EXOC4: variants seen among roughly 807,000 people sequenced by gnomAD.
The protein encoded by EXOC4 is SEC8-like 1.
EXOC4 carries 71 observed loss-of-function variants against 107.2 expected under a neutral mutation model. The observed-to-expected ratio is 0.66, with a 90% CI of 0.55 to 0.81. The LOEUF is 0.81. Among genes scored for constraint, EXOC4 ranks in the 30% least tolerant of loss-of-function variants. The pLI is 0.00. For missense variants in EXOC4, 1,108 were observed against 1,189.6 expected, an observed-to-expected ratio of 0.93 and a Z score of 1.01; for synonymous variants, 456 against 441.2, an observed-to-expected ratio of 1.03 and a Z score of -0.42.
intron 10 of EXOC4, among the ~76,000 whole-genome samples, chr7:133,793,567 A>G (rs534595799): frequency 1.3e-5 from 2 of 152,302 alleles, no homozygotes; most frequent in East Asian, 3.9e-4. Context: ...AAACAAGGCC[A>G]GGTGCGGTGG....
rs189817728 is a variant in EXOC4 at position 133,411,522 on chromosome 7, A to G, written c.1182+36520A>G. On this transcript the variant is annotated intron_variant, in intron 7 of 17. Transcript: ENST00000253861. Reference sequence around the variant, plus strand: ...TGTTAGTCATTTATGCGTTGAAAAGACATTTCCATTTCCTGTGCTTTTCCT... The same window carrying G: ...TGTTAGTCATTTATGCGTTGAAAAGGCATTTCCATTTCCTGTGCTTTTCCT... Among the ~76,000 whole-genome samples, 3 of 152,282 alleles carry G rather than the reference A, an allele frequency of 2.0e-5. No homozygotes were observed. In the East Asian group the frequency reaches 5.8e-4, roughly 29 times the overall value.
intron 9 of EXOC4, among the ~76,000 whole-genome samples, chr7:133,563,700 A>G (rs1800853095): frequency 6.6e-6 from 1 of 152,190 alleles, no homozygotes; most frequent in African/African-American, 2.4e-5. Flanking sequence ...GGCATAAGTT[A>G]GTGGGGAAAA....
intron 14 of EXOC4, among the ~76,000 whole-genome samples, chr7:133,962,086 T>C (rs1056623710): frequency 6.6e-6 from 1 of 152,154 alleles, no homozygotes; most frequent in Non-Finnish European, 1.5e-5. Flanking sequence ...AGTTTATGAA[T>C]GAGAAAACCG....
intron 3 of EXOC4, among the ~76,000 whole-genome samples, chr7:133,304,163 G>A (rs1472617536): frequency 6.6e-6 from 1 of 152,150 alleles, no homozygotes; most frequent in Non-Finnish European, 1.5e-5. Context: ...CTACGTGATG[G>A]GCCAGTGGTT....
intron 5 of EXOC4, among the ~76,000 whole-genome samples, chr7:133,325,929 C>G (rs950233441): frequency 5.3e-5 from 8 of 152,132 alleles, no homozygotes; most frequent in Non-Finnish European, 1.0e-4. Flanking sequence ...TCTTTTTTCT[C>G]TAAACTTCTC....
At chr7:133,319,250 G>A (rs772691181) in intron 5 of EXOC4, among the ~76,000 whole-genome samples, 7 of 152,166 alleles carry the variant, frequency 4.6e-5, no homozygotes, top group Middle Eastern at 3.2e-3. Context: ...TGCCAGTTAC[G>A]GCAAATTTCA....
intron 7 of EXOC4, among the ~76,000 whole-genome samples, chr7:133,463,414 C>T (rs1798640654): frequency 6.6e-6 from 1 of 152,074 alleles, no homozygotes; most frequent in South Asian, 2.1e-4. Flanking sequence ...GACCTGCTTA[C>T]TGTGATATGG....
intron 4 of EXOC4, among the ~76,000 whole-genome samples, chr7:133,312,383 A>G (rs1241912525): frequency 6.6e-6 from 1 of 152,182 alleles, no homozygotes; most frequent in African/African-American, 2.4e-5. Context: ...TGTGTATAGA[A>G]AATGTCAGAC....
intron 14 of EXOC4, among the ~76,000 whole-genome samples, chr7:133,987,180 G>T (rs1413866531): frequency 6.6e-6 from 1 of 152,068 alleles, no homozygotes; most frequent in African/African-American, 2.4e-5. Flanking sequence ...ATATTTTGGG[G>T]CTGGGCAAGG....
chr7:133,748,683 A>G (rs1374125255), intron 10 of EXOC4, among the ~76,000 whole-genome samples: 3 of 152,160 alleles, frequency 2.0e-5, no homozygotes, highest in African/African-American at 4.8e-5. Context: ...CTTCCCTGAG[A>G]GGGTCATATA....
chr7:133,965,822 G>C (rs1196369973), intron 14 of EXOC4, among the ~76,000 whole-genome samples: 1 of 151,960 alleles, frequency 6.6e-6, no homozygotes, highest in African/African-American at 2.4e-5. Context: ...TTTTTTGGTT[G>C]CATATGAAAT....
At chr7:133,283,907 C>T (rs1295944402) in intron 2 of EXOC4, among the ~76,000 whole-genome samples, 1 of 152,010 alleles carries the variant, frequency 6.6e-6, no homozygotes, top group African/African-American at 2.4e-5. Context: ...TTCATTGTTT[C>T]TTCCTTTTTG....
At chr7:133,673,589 C>T (rs955697417) in intron 10 of EXOC4, among the ~76,000 whole-genome samples, 1 of 152,198 alleles carries the variant, frequency 6.6e-6, no homozygotes, top group African/African-American at 2.4e-5. Context: ...CATGTCCCAA[C>T]CTCTGGTTGT....
intron 10 of EXOC4, among the ~76,000 whole-genome samples, chr7:133,748,931 A>G (rs1393849713): frequency 1.1e-4 from 16 of 152,310 alleles, no homozygotes; most frequent in Non-Finnish European, 1.2e-4. Context: ...CCTAGTTCCC[A>G]AATGCTACTC....
rs1162067827 is a variant in EXOC4 at position 133,857,277 on chromosome 7, GTATATATATA to G, written c.1735-38311_1735-38302del. 3.4e-4 allele frequency among the ~76,000 whole-genome samples: 2 copies of G among 5,844 alleles called. 1 individual carries two copies. Among genetic ancestry groups the G allele is most frequent in the African/African-American group, 2.4e-3 (2 of 842 alleles). The allele number at this position is 5,844 out of a possible 152,430, so 3.8% of individuals were successfully genotyped here. On this transcript the variant is annotated intron_variant, in intron 11 of 17. Coordinates refer to ENST00000253861, the MANE Select transcript of EXOC4 (RefSeq NM_021807.4). Reference sequence around the variant, plus strand: ...TATATATATATATATATATATACACGTATATATATATATATATATACACGTATATATATAT... The same window carrying G: ...TATATATATATATATATATATACACGTATATATATACACGTATATATATAT...
At chr7:133,280,245 C>A (rs893483153) in intron 2 of EXOC4, among the ~76,000 whole-genome samples, 1 of 152,190 alleles carries the variant, frequency 6.6e-6, no homozygotes, top group African/African-American at 2.4e-5. Flanking sequence ...CTGGGCAGTT[C>A]TATTACTTTT....
intron 5 of EXOC4, among the ~76,000 whole-genome samples, chr7:133,341,914 T>G (rs554866667): frequency 1.3e-5 from 2 of 152,314 alleles, no homozygotes; most frequent in East Asian, 3.9e-4. Flanking sequence ...ACCTTAGATT[T>G]ATGTGAGTTC....
At chr7:133,355,815 A>C (rs1796008166) in intron 5 of EXOC4, among the ~76,000 whole-genome samples, 2 of 152,198 alleles carry the variant, frequency 1.3e-5, no homozygotes, top group Admixed American at 1.3e-4. Context: ...GTCTTGTCTC[A>C]CTTGTATGTA....
At chr7:133,324,154 A>G (rs574599436) in intron 5 of EXOC4, among the ~76,000 whole-genome samples, 223 of 152,222 alleles carry the variant, frequency 1.5e-3, no homozygotes, top group Non-Finnish European at 2.6e-3. Flanking sequence ...GGTCTTTTCA[A>G]AAAATCAGCT....
Sources: allele counts gnomAD v4.1 joint callset (sites outside exome capture counted in the v4.1 genomes callset), GRCh38; gene constraint gnomAD v4.1.1; transcripts MANE v1.5; gene names NCBI Gene and HGNC (gene_info 2026-07-23, HGNC 2026-07-21).